The following DAB2 variants were observed in gnomAD, a reference collection of about 807,000 sequenced individuals.
DAB2 encodes DAB adaptor protein 2.
Under a neutral mutation model 71.6 loss-of-function variants are expected in DAB2, and 28 were observed. That is an observed-to-expected ratio of 0.39 (90% confidence interval 0.29 to 0.54). The LOEUF is 0.54. DAB2 is among the 20% of genes least tolerant of loss of function. The pLI, the probability that DAB2 is intolerant of heterozygous loss-of-function variation, is 0.68. For missense variants in DAB2, 867 were observed against 928.8 expected (o/e 0.93, Z 0.86); for synonymous variants, 345 against 339.7 (o/e 1.02, Z -0.17).
At position 39,375,102 on chromosome 5, in the gene DAB2, T is replaced by C. The variant is rs375990154; in HGVS notation, c.2248-18A>G. On this transcript the variant is annotated intron_variant, in intron 13 of 14. Transcript: ENST00000320816. ...GAAGCCACCTAAGAAGATAAAATCATCTAGTCAATAAATACAGTTACAGTC... is the reference window on the plus strand; with the variant it reads ...GAAGCCACCTAAGAAGATAAAATCACCTAGTCAATAAATACAGTTACAGTC... The C allele has an allele frequency of 2.8e-5, 44 of 1,567,800 alleles. No individual in the cohort carries two copies. The highest frequency in any genetic ancestry group is 3.8e-5 in the Non-Finnish European group (44 of 1,143,168).
chr5:39,410,869 G>T (rs62358456), intron 1 of DAB2, among the ~76,000 whole-genome samples: 10,582 of 151,412 alleles, frequency 0.07, 566 homozygotes, highest in African/African-American at 0.15. Context: ...AAATTGTATT[G>T]AGTATTTTTC....
At chr5:39,420,576 T>G (rs1755957040) in intron 1 of DAB2, among the ~76,000 whole-genome samples, 1 of 152,220 alleles carries the variant, frequency 6.6e-6, no homozygotes, top group Non-Finnish European at 1.5e-5. Context: ...CCTAGCTAGC[T>G]AGTACAAATG....
chr5:39,409,129 AT>A (rs201114587), intron 1 of DAB2, among the ~76,000 whole-genome samples: 1 of 151,146 alleles, frequency 6.6e-6, no homozygotes, highest in East Asian at 2.0e-4. Flanking sequence ...GCTTATGATT[AT>A]TAAAAAAAAA....
intron 9 of DAB2, among the ~76,000 whole-genome samples, chr5:39,384,588 C>T (rs945855255): frequency 6.6e-6 from 1 of 152,012 alleles, no homozygotes; most frequent in East Asian, 1.9e-4. Context: ...AATTCTATCC[C>T]CTCTCTATCA....
At chr5:39,393,172 T>C in intron 3 of DAB2, 82 bp downstream of exon 3, 2 of 1,406,712 alleles carry the variant, frequency 1.4e-6, no homozygotes, top group Non-Finnish European at 2.0e-6. Flanking sequence ...AATTGAACAA[T>C]AGGTCAACAA....
chr5:39,417,908 C>T (rs1429692310), intron 1 of DAB2: 1 of 152,188 alleles, frequency 6.6e-6, no homozygotes, highest in Non-Finnish European at 1.5e-5. Flanking sequence ...TCTGAAAAGC[C>T]TCAGCTATAG....
chr5:39,401,127 G>T (rs1755487045), intron 1 of DAB2, among the ~76,000 whole-genome samples: 1 of 152,200 alleles, frequency 6.6e-6, no homozygotes, highest in Non-Finnish European at 1.5e-5. Context: ...AGGCTCTTCT[G>T]CTCTGCAAAG....
At chr5:39,377,964 A>G (rs1329873719) in intron 11 of DAB2, among the ~76,000 whole-genome samples, 1 of 152,284 alleles carries the variant, frequency 6.6e-6, no homozygotes, top group Non-Finnish European at 1.5e-5. Flanking sequence ...TAAAAATGGA[A>G]GAAAGGATGT....
intron 9 of DAB2, 106 bp downstream of exon 9, chr5:39,388,199 C>T (rs1755141789): frequency 1.3e-6 from 1 of 797,780 alleles, no homozygotes; most frequent in Non-Finnish European, 2.1e-6. Flanking sequence ...CAAAAATCAA[C>T]AGTCACCTTC....
At chr5:39,393,158 A>C in intron 3 of DAB2, 96 bp downstream of exon 3, 1 of 1,288,754 alleles carries the variant, frequency 7.8e-7, no homozygotes. Context: ...AGCAGTTTTC[A>C]AGTAATTGAA....
intron 1 of DAB2, among the ~76,000 whole-genome samples, chr5:39,400,233 C>CT (rs376493709): frequency 0.013 from 1,956 of 146,346 alleles, 10 homozygotes; most frequent in Admixed American, 0.017. Context: ...ATGTGTCTCT[C>CT]TTTTTTTTTT....
rs1369375277 is a variant in DAB2 at position 39,381,626 on chromosome 5, CAGGG to C, written c.1342-14_1342-11del. 1 of 1,613,604 alleles carries C rather than the reference CAGGG, an allele frequency of 6.2e-7. No individual in the cohort carries two copies. Among genetic ancestry groups the C allele is most frequent in the Non-Finnish European group, 8.5e-7 (1 of 1,179,770 alleles). On this transcript the variant is annotated splice_polypyrimidine_tract_variant and intron_variant, in intron 10 of 14. Coordinates refer to ENST00000320816, the MANE Select transcript of DAB2 (RefSeq NM_001343.4). ...AGTCATTGGCTGAAGACTGACAGGA[CAGGG>C]AGGGAGGGAGAAGCCTTAGTTACTC...
intron 1 of DAB2, among the ~76,000 whole-genome samples, chr5:39,409,182 A>C (rs1399632058): frequency 1.3e-5 from 2 of 152,156 alleles, no homozygotes; most frequent in African/African-American, 4.8e-5. Flanking sequence ...CAAGATGAAC[A>C]AAATTGGCAG....
In DAB2 at chr5:39,381,450, C is replaced by A; in HGVS notation, c.1504+4G>T. 6.2e-7 allele frequency: 1 copy of A among 1,611,658 alleles called. No homozygotes were observed. Among genetic ancestry groups the A allele is most frequent in the Non-Finnish European group, 8.5e-7 (1 of 1,178,992 alleles). ...CATACTTAATTTTATCTCTAGGCAC[C>A]TACCTAGACCCACCAGGGGCCCCAC... On this transcript the variant is annotated splice_donor_region_variant and intron_variant, in intron 11 of 14. Transcript: ENST00000320816.
chr5:39,408,406 T>A (rs1203594353), intron 1 of DAB2: 3 of 152,184 alleles, frequency 2.0e-5, no homozygotes, highest in African/African-American at 7.2e-5. Context: ...TAACCTTCCA[T>A]GAGAGACTTG....
intron 9 of DAB2, among the ~76,000 whole-genome samples, chr5:39,384,234 A>T (rs1755044936): frequency 6.6e-6 from 1 of 152,234 alleles, no homozygotes; most frequent in Non-Finnish European, 1.5e-5. Flanking sequence ...CCCACAGTGG[A>T]TGTCTGAAAT....
At chr5:39,401,309 C>T (rs1305410771) in intron 1 of DAB2, among the ~76,000 whole-genome samples, 1 of 152,228 alleles carries the variant, frequency 6.6e-6, no homozygotes, top group Non-Finnish European at 1.5e-5. Flanking sequence ...ACAAGTTATG[C>T]ATTTACAGCG....
At chr5:39,388,139 T>C (rs1434923386) in intron 9 of DAB2, 166 bp downstream of exon 9, 4 of 601,652 alleles carry the variant, frequency 6.6e-6, no homozygotes, top group African/African-American at 3.7e-5. Context: ...TAGGTTCCCA[T>C]GGTGACTTAA....
intron 1 of DAB2, among the ~76,000 whole-genome samples, chr5:39,399,792 T>C (rs1755454214): frequency 6.6e-6 from 1 of 152,224 alleles, no homozygotes; most frequent in Non-Finnish European, 1.5e-5. Context: ...GTGATTCATA[T>C]AAAATGTCTA....
Sources: allele counts gnomAD v4.1 joint callset (sites outside exome capture counted in the v4.1 genomes callset), GRCh38; gene constraint gnomAD v4.1.1; transcripts MANE v1.5; gene names NCBI Gene and HGNC (gene_info 2026-07-23, HGNC 2026-07-21).